Variants in NBEAL1 observed in about 807,000 individuals in gnomAD.
The protein encoded by NBEAL1 is neurobeachin-like protein 1.
In NBEAL1, 273 loss-of-function variants were observed where a neutral mutation model predicts 351.3. That is an observed-to-expected ratio of 0.78 (90% CI 0.70 to 0.86). The LOEUF (loss-of-function observed/expected upper bound fraction) is 0.86. NBEAL1 is among the 40% of genes least tolerant of loss of function. NBEAL1 has a pLI of 0.00. For missense variants in NBEAL1, 2,961 were observed against 3,201.3 expected (o/e 0.92, Z 1.81); for synonymous variants, 1,050 against 1,086.4 (o/e 0.97, Z 0.66).
At chr2:203,166,116 A>G (rs774629345) in intron 36 of NBEAL1, 33 bp from the exon 37 acceptor site, 32 of 1,509,568 alleles carry the variant, frequency 2.1e-5, no homozygotes, top group Non-Finnish European at 2.7e-5. Context: ...AAATGGTTGA[A>G]TTTTTCTGTT....
chr2:203,091,806 C>A (rs943009575), intron 10 of NBEAL1, among the ~76,000 whole-genome samples: 1 of 152,086 alleles, frequency 6.6e-6, no homozygotes, highest in Non-Finnish European at 1.5e-5. Context: ...GTCCTTTGCC[C>A]ATTTTAAAAT....
chr2:203,117,744 G>A, intron 18 of NBEAL1, among the ~76,000 whole-genome samples: 1 of 152,024 alleles, frequency 6.6e-6, no homozygotes, highest in East Asian at 1.9e-4. Context: ...TGTAGTGGTG[G>A]GATCATGGCC....
intron 12 of NBEAL1, among the ~76,000 whole-genome samples, chr2:203,106,113 A>T (rs537655234): frequency 5.6e-4 from 85 of 152,284 alleles, no homozygotes; most frequent in African/African-American, 1.9e-3. Flanking sequence ...CTGTCCAGTT[A>T]TACTGGTAGT....
intron 31 of NBEAL1, among the ~76,000 whole-genome samples, chr2:203,140,339 G>GA (rs1471001981): frequency 6.6e-6 from 1 of 151,570 alleles, no homozygotes; most frequent in African/African-American, 2.4e-5. Context: ...AAGCATAGAG[G>GA]AAAAAATAAA....
intron 17 of NBEAL1, among the ~76,000 whole-genome samples, chr2:203,114,380 C>T (rs56155724): frequency 6.6e-6 from 1 of 152,168 alleles, no homozygotes; most frequent in Non-Finnish European, 1.5e-5. Context: ...AATCATGAGC[C>T]TTATTCCAAA....
In NBEAL1 at chr2:203,083,282, T is replaced by A. The variant is rs1168615438; in HGVS notation, c.748T>A (p.Cys250Ser). 1 of 1,552,650 alleles carries A rather than the reference T, an allele frequency of 6.4e-7. No individual in the cohort carries two copies. Among genetic ancestry groups the A allele is most frequent in the Non-Finnish European group, 8.7e-7 (1 of 1,147,248 alleles). Reference sequence around the variant, plus strand: ...AGTTCTTATGCGAGTATTGGCAGATTGTGATTCCTGGGAGGATGGAGATCC... The same window carrying A: ...AGTTCTTATGCGAGTATTGGCAGATAGTGATTCCTGGGAGGATGGAGATCC... ...MEVLMRVLAD[C>S]DSWEDGDPEE... Residue 250 changes from cysteine (C) to serine (S), a missense_variant, in exon 9 of 56, where the codon TGT becomes AGT. Physicochemically the swap from Cys to Ser is moderately radical, Grantham distance 112. Coordinates refer to ENST00000683969, the MANE Select transcript of NBEAL1 (RefSeq NM_001378026.1).
intron 27 of NBEAL1, among the ~76,000 whole-genome samples, chr2:203,133,489 C>A (rs1055011001): frequency 6.6e-6 from 1 of 151,854 alleles, no homozygotes; most frequent in Non-Finnish European, 1.5e-5. Flanking sequence ...TTGAAACTTT[C>A]TGGAAATAAT....
At chr2:203,065,842 A>G (rs1309704515) in intron 6 of NBEAL1, among the ~76,000 whole-genome samples, 6 of 152,232 alleles carry the variant, frequency 3.9e-5, no homozygotes, top group African/African-American at 1.4e-4. Flanking sequence ...CCTCTCAGAA[A>G]CTGGTTGATA....
chr2:203,047,008 C>G (rs1470580416), intron 3 of NBEAL1, among the ~76,000 whole-genome samples: 1 of 152,126 alleles, frequency 6.6e-6, no homozygotes, highest in Non-Finnish European at 1.5e-5. Context: ...AACCCCGTCT[C>G]TACTACAAAT....
intron 2 of NBEAL1, among the ~76,000 whole-genome samples, chr2:203,039,470 C>T (rs2106039449): frequency 6.8e-6 from 1 of 146,272 alleles, no homozygotes; most frequent in African/African-American, 2.5e-5. Flanking sequence ...GTAGCATGAT[C>T]TCAGCTCACT....
At chr2:203,174,085 A>G (rs767807664) in intron 41 of NBEAL1, among the ~76,000 whole-genome samples, 7 of 149,936 alleles carry the variant, frequency 4.7e-5, no homozygotes, top group South Asian at 2.1e-4. Flanking sequence ...CCTATCCACC[A>G]TCTCTTTTTT....
Position 203,201,697 on chromosome 2 carries a change from C to A in NBEAL1, c.7393C>A (p.His2465Asn). The A allele has an allele frequency of 6.2e-7, 1 of 1,600,610 alleles. No individual in the cohort carries two copies. The change falls in exon 50 of 56, where the codon CAC (histidine) becomes AAC (asparagine). Residue 2465 changes from histidine to asparagine, a missense_variant. By Grantham distance (68) the His-to-Asn change is moderately conservative. Transcript: ENST00000683969. ...ACTTACAAAAGGCAAAATTATCTCACACATCATCCGGCATATGGGTAAGCA... is the reference window on the plus strand; with the variant it reads ...ACTTACAAAAGGCAAAATTATCTCAAACATCATCCGGCATATGGGTAAGCA... The part of the protein sequence containing the change: ...MSLTKGKIIS[H>N]IIRHMDIVTC...
chr2:203,121,036 A>G (rs912897519), intron 18 of NBEAL1, among the ~76,000 whole-genome samples: 7 of 152,194 alleles, frequency 4.6e-5, no homozygotes, highest in Non-Finnish European at 2.9e-5. Flanking sequence ...GAAAATTCGG[A>G]TTGAATATGA....
rs947843279 is a variant in NBEAL1 at position 203,133,084 on chromosome 2, C to T, written c.3751C>T (p.Leu1251=). The change falls in exon 27 of 56, where the codon CTA becomes TTA. Residue 1251 remains leucine, a synonymous_variant. Transcript: ENST00000683969. The stretch of plus-strand genomic sequence containing the variant: ...TCCTGTTATTAATTTCAAAGATCTA[C>T]TATCTGTGGTATATATATCTCACAG... The part of the protein sequence containing the change: ...TDPVINFKDL[L]SVVYISHRAH... 4 of 1,506,972 alleles carry T rather than the reference C, an allele frequency of 2.7e-6. No homozygotes were observed. The highest frequency in any genetic ancestry group is 3.6e-6 in the Non-Finnish European group (4 of 1,116,192). The allele number at this position is 1,506,972 out of a possible 1,614,324, so 93.4% of individuals were successfully genotyped here. A position where few individuals can be genotyped will look rare whatever the true frequency, so the allele number is the denominator to read the frequency against.
At chr2:203,179,771 A>G (rs149713082) in intron 42 of NBEAL1, among the ~76,000 whole-genome samples, 77 of 152,208 alleles carry the variant, frequency 5.1e-4, no homozygotes, top group African/African-American at 1.8e-3. Context: ...AATAAATTTT[A>G]TTCAGCAAAA....
At chr2:203,124,675 A>T (rs548149658) in intron 19 of NBEAL1, among the ~76,000 whole-genome samples, 24 of 152,308 alleles carry the variant, frequency 1.6e-4, no homozygotes, top group Middle Eastern at 3.4e-3. Flanking sequence ...AATTCAGAAC[A>T]CTTTAATAAT....
intron 6 of NBEAL1, among the ~76,000 whole-genome samples, chr2:203,067,233 C>T (rs928242134): frequency 2.6e-5 from 4 of 152,202 alleles, no homozygotes; most frequent in African/African-American, 7.2e-5. Context: ...TGATAATGGT[C>T]TTAATTAAAT....
chr2:203,108,629 T>A (rs1574980010), intron 14 of NBEAL1, among the ~76,000 whole-genome samples: 1 of 152,178 alleles, frequency 6.6e-6, no homozygotes, highest in East Asian at 1.9e-4. Flanking sequence ...GGTCTCCATC[T>A]CCTGACCTCA....
intron 35 of NBEAL1, among the ~76,000 whole-genome samples, chr2:203,153,431 G>A (rs1035462088): frequency 3.3e-5 from 5 of 151,592 alleles, no homozygotes; most frequent in Admixed American, 6.6e-5. Flanking sequence ...GACTTGAGCC[G>A]GCATGGCTGG....
Sources: gnomAD v4.1 joint callset for allele counts (sites outside exome capture counted in the v4.1 genomes callset) on GRCh38, gnomAD v4.1.1 for gene constraint, MANE v1.5 for transcripts, NCBI Gene and HGNC (gene_info 2026-07-23, HGNC 2026-07-21) for gene names.